Variants in DPP10 observed in about 807,000 individuals in gnomAD.
The protein encoded by DPP10 is dipeptidyl peptidase like 10.
In DPP10, 33 loss-of-function variants were observed where a neutral mutation model predicts 120.9. The observed-to-expected ratio is 0.27, with a 90% confidence interval of 0.21 to 0.37. The LOEUF (loss-of-function observed/expected upper bound fraction) is 0.37, where lower values mean the gene tolerates loss of function less well. Ranked by LOEUF, DPP10 falls within the 10% of genes least tolerant of loss-of-function variation. The probability of loss-of-function intolerance (pLI) is 1.00; values close to 1 mark genes in which losing one functional copy is unlikely to be tolerated. For synonymous variants in DPP10, 337 were observed against 326.1 expected (o/e 1.03, Z -0.36); for missense variants, 816 against 942.8 (o/e 0.87, Z 1.76).
intron 7 of DPP10, 31 bp from the exon 8 acceptor site, chr2:115,727,785 T>G: frequency 3.2e-6 from 5 of 1,566,340 alleles, no homozygotes; most frequent in Non-Finnish European, 4.3e-6. Flanking sequence ...ACGTGTTGGA[T>G]TTTTTGTTTG....
intron 1 of DPP10, among the ~76,000 whole-genome samples, chr2:114,546,915 G>C (rs915728770): frequency 6.6e-6 from 1 of 152,210 alleles, no homozygotes; most frequent in East Asian, 1.9e-4. Flanking sequence ...CTGTCTGTTG[G>C]ATTTTATTCT....
At chr2:115,811,387 G>A (rs1171561028) in intron 19 of DPP10, among the ~76,000 whole-genome samples, 2 of 152,186 alleles carry the variant, frequency 1.3e-5, no homozygotes, top group Non-Finnish European at 2.9e-5. Flanking sequence ...TTCTATGAGT[G>A]TAGCAATAAT....
intron 1 of DPP10, among the ~76,000 whole-genome samples, chr2:115,221,219 G>A (rs2057138707): frequency 6.6e-6 from 1 of 152,074 alleles, no homozygotes; most frequent in Admixed American, 6.6e-5. Flanking sequence ...ATCTGGCTGT[G>A]TTAGGCTCAT....
At chr2:115,588,083 G>A in intron 5 of DPP10, among the ~76,000 whole-genome samples, 1 of 151,966 alleles carries the variant, frequency 6.6e-6, no homozygotes, top group African/African-American at 2.4e-5. Flanking sequence ...TAATGCTTTT[G>A]GAAAAGGAAT....
At chr2:115,443,985 C>G (rs750698402) in intron 3 of DPP10, among the ~76,000 whole-genome samples, 5 of 152,176 alleles carry the variant, frequency 3.3e-5, no homozygotes, top group Non-Finnish European at 5.9e-5. Flanking sequence ...TGCCAAATAT[C>G]TCCAGAAGGC....
chr2:115,576,557 A>G (rs964450717), intron 5 of DPP10, among the ~76,000 whole-genome samples: 8 of 152,182 alleles, frequency 5.3e-5, no homozygotes, highest in Non-Finnish European at 1.5e-5. Flanking sequence ...CTCCAGTTGA[A>G]TTTGTCAGGA....
intron 1 of DPP10, among the ~76,000 whole-genome samples, chr2:114,658,506 T>C (rs931288489): frequency 4.6e-5 from 7 of 152,144 alleles, no homozygotes; most frequent in Admixed American, 3.3e-4. Flanking sequence ...AGGAATACCA[T>C]AAAGGCTACA....
chr2:115,542,210 A>G (rs1044723028), intron 5 of DPP10, among the ~76,000 whole-genome samples: 8 of 151,804 alleles, frequency 5.3e-5, no homozygotes, highest in Non-Finnish European at 7.4e-5. Flanking sequence ...CACAACGAAA[A>G]TCTCTTTTGC....
At chr2:115,286,691 C>G (rs1439902889) in intron 1 of DPP10, among the ~76,000 whole-genome samples, 2 of 149,672 alleles carry the variant, frequency 1.3e-5, no homozygotes, top group Non-Finnish European at 3.0e-5. Flanking sequence ...AGATGATAGA[C>G]AAGGAAGAAA....
In DPP10 at chr2:114,653,010, AAG is replaced by A. The variant is rs71297185; in HGVS notation, c.60+210189_60+210190del. Reference sequence around the variant, plus strand: ...TGGAAGAGAGAGAGAGAGAGAGAGAAAGAGAGAGAGAGAGAGAGTGTGTGTGT... The same window carrying A: ...TGGAAGAGAGAGAGAGAGAGAGAGAAAGAGAGAGAGAGAGAGTGTGTGTGT... On this transcript the variant is annotated intron_variant, in intron 1 of 25. Coordinates refer to ENST00000410059, the MANE Select transcript of DPP10 (RefSeq NM_020868.6). 6.4e-3 allele frequency among the ~76,000 whole-genome samples: 770 copies of A among 120,364 alleles called. 3 individuals carry two copies. The highest frequency in any genetic ancestry group is 0.012 in the Middle Eastern group (3 of 246). 79.0% of individuals were successfully genotyped at this position (120,364 alleles called of 152,430 possible).
chr2:114,482,313 A>G (rs1260513114), intron 1 of DPP10, among the ~76,000 whole-genome samples: 1 of 152,206 alleles, frequency 6.6e-6, no homozygotes, highest in African/African-American at 2.4e-5. Context: ...GCCTTTTATT[A>G]TATGGAATTG....
At chr2:115,660,175 G>A (rs1288410158) in intron 5 of DPP10, among the ~76,000 whole-genome samples, 1 of 152,170 alleles carries the variant, frequency 6.6e-6, no homozygotes, top group Non-Finnish European at 1.5e-5. Flanking sequence ...GGAATGAGAT[G>A]TCTGTTTATT....
chr2:115,054,231 C>G (rs1398213279), intron 1 of DPP10, among the ~76,000 whole-genome samples: 1 of 152,156 alleles, frequency 6.6e-6, no homozygotes, highest in Non-Finnish European at 1.5e-5. Flanking sequence ...GTATTAAATG[C>G]TTTGTGGCTC....
chr2:114,665,921 A>G (rs1013268665), intron 1 of DPP10, among the ~76,000 whole-genome samples: 6 of 152,188 alleles, frequency 3.9e-5, no homozygotes, highest in Admixed American at 6.5e-5. Flanking sequence ...CTATACTTGC[A>G]GTTCTGGCTA....
chr2:115,457,005 C>T (rs990189764), intron 3 of DPP10, among the ~76,000 whole-genome samples: 6 of 151,784 alleles, frequency 4.0e-5, no homozygotes, highest in Admixed American at 3.9e-4. Context: ...AATTGCCATA[C>T]CCGATTTCAA....
chr2:115,319,133 A>G (rs1316725547), intron 2 of DPP10, among the ~76,000 whole-genome samples: 1 of 152,114 alleles, frequency 6.6e-6, no homozygotes. Context: ...ATTGTCAAAT[A>G]GATTTTATCA....
At chr2:115,165,230 A>C (rs1448837913) in intron 1 of DPP10, among the ~76,000 whole-genome samples, 2 of 152,204 alleles carry the variant, frequency 1.3e-5, no homozygotes, top group African/African-American at 2.4e-5. Context: ...TTGATTCTCA[A>C]AGCAGTTTTT....
intron 1 of DPP10, among the ~76,000 whole-genome samples, chr2:114,621,360 C>T (rs974568170): frequency 6.6e-6 from 1 of 151,708 alleles, no homozygotes; most frequent in African/African-American, 2.4e-5. Flanking sequence ...GTTTCTTGCA[C>T]TGTGCTAATA....
At chr2:115,621,238 G>A (rs772189629) in intron 5 of DPP10, among the ~76,000 whole-genome samples, 1 of 152,094 alleles carries the variant, frequency 6.6e-6, no homozygotes, top group African/African-American at 2.4e-5. Context: ...TTTATTTTGG[G>A]TATCTTTTTA....
Sources: allele counts gnomAD v4.1 joint callset (sites outside exome capture counted in the v4.1 genomes callset), GRCh38; gene constraint gnomAD v4.1.1; transcripts MANE v1.5; gene names NCBI Gene and HGNC (gene_info 2026-07-23, HGNC 2026-07-21).